Variants in CATSPERG observed in about 807,000 individuals in gnomAD.
CATSPERG encodes cation channel sperm-associated auxiliary subunit gamma.
Under a neutral mutation model 145.0 loss-of-function variants are expected in CATSPERG, and 115 were observed. That is an observed-to-expected ratio of 0.79 (90% CI 0.68 to 0.93). CATSPERG has a LOEUF of 0.93. Among genes scored for constraint, CATSPERG ranks in the 40% least tolerant of loss-of-function variants. CATSPERG has a pLI of 0.00. For synonymous variants in CATSPERG, 588 were observed against 589.0 expected (o/e 1.00, Z 0.02); for missense variants, 1,296 against 1,490.1 (o/e 0.87, Z 2.14).
At chr19:38,337,708 T>TTTTA (rs753927583) in intron 3 of CATSPERG, 62 bp downstream of exon 3, 30 of 1,345,198 alleles carry the variant, frequency 2.2e-5, no homozygotes, top group African/African-American at 4.5e-5. Context: ...CCTCTAACAT[T>TTTTA]TTTATTTATT....
Position 38,346,443 on chromosome 19 carries a change from T to C in CATSPERG, c.670-7T>C, listed in dbSNP as rs1402566161. The C allele has an allele frequency of 1.3e-6, 2 of 1,533,048 alleles. No individual in the cohort carries two copies. Among genetic ancestry groups the C allele is most frequent in the South Asian group, 2.4e-5 (2 of 83,192 alleles). The allele number at this position is 1,533,048 out of a possible 1,614,324, so 95.0% of individuals were successfully genotyped here. Reference sequence around the variant, plus strand: ...GTGTTGGCGTCCCTCCTGTCCCTCCTTGGCAGCTCTTCAACCTGATGCCCC... The same window carrying C: ...GTGTTGGCGTCCCTCCTGTCCCTCCCTGGCAGCTCTTCAACCTGATGCCCC... On this transcript the variant is annotated splice_region_variant and splice_polypyrimidine_tract_variant and intron_variant, in intron 6 of 28. Coordinates refer to ENST00000409235, the MANE Select transcript of CATSPERG (RefSeq NM_021185.5).
rs1158525255 is a variant in CATSPERG at position 38,344,901 on chromosome 19, A to ATTT, written c.669+554_669+556dup. Among the ~76,000 whole-genome samples, 249 of 80,008 alleles carry ATTT rather than the reference A, an allele frequency of 3.1e-3. 14 individuals carry two copies. Among genetic ancestry groups the ATTT allele is most frequent in the East Asian group, 9.2e-3 (18 of 1,958 alleles). The allele number at this position is 80,008 out of a possible 152,430, so 52.5% of individuals were successfully genotyped here. On this transcript the variant is annotated intron_variant, in intron 6 of 28. Transcript: ENST00000409235. The stretch of plus-strand genomic sequence containing the variant: ...CACACACATATATATATATATATAT[A>ATTT]TTTTTTTTTTTTTTTTTTTTTTTGA...
In CATSPERG at chr19:38,367,249, A is replaced by G; in HGVS notation, c.2707A>G (p.Asn903Asp). 1.9e-6 allele frequency: 3 copies of G among 1,613,926 alleles called. No homozygotes were observed. The highest frequency in any genetic ancestry group is 2.5e-6 in the Non-Finnish European group (3 of 1,180,008). ...TYTLEYSRLKNKHYFDCVNVN... is the reference protein window; with the variant it reads ...TYTLEYSRLKDKHYFDCVNVN... ...CACGCTGGAATACAGCCGCCTGAAG[A>G]ACAAACACTACTTTGACTGCGTTAA... The change falls in exon 23 of 29, where the codon AAC (asparagine) becomes GAC (aspartate). Residue 903 changes from asparagine to aspartate, a missense_variant. Coordinates refer to ENST00000409235, the MANE Select transcript of CATSPERG (RefSeq NM_021185.5).
intron 22 of CATSPERG, chr19:38,366,902 C>A (rs1970459358): frequency 2.0e-6 from 1 of 489,602 alleles, no homozygotes; most frequent in African/African-American, 1.9e-5. Flanking sequence ...CTGTGCTGGC[C>A]AGGCTAGTCT....
chr19:38,359,596 C>A lies in CATSPERG; in HGVS notation c.1608+15C>A. On this transcript the variant is annotated intron_variant, in intron 14 of 28. Coordinates refer to ENST00000409235, the MANE Select transcript of CATSPERG (RefSeq NM_021185.5). ...AGACGGAGGAGGTGGGCTGCCCCGC[C>A]CCTCTCCCCGTTCCCTCTCTGCCCA... 6.2e-7 allele frequency: 1 copy of A among 1,606,312 alleles called. No individual in the cohort carries two copies. Among genetic ancestry groups the A allele is most frequent in the South Asian group, 1.1e-5 (1 of 90,360 alleles).
chr19:38,362,686 C>G (rs764246590), intron 19 of CATSPERG, 28 bp from the exon 20 acceptor site: 15 of 1,610,966 alleles, frequency 9.3e-6, no homozygotes, highest in African/African-American at 1.3e-5. Flanking sequence ...GTGAGGGAGG[C>G]CTTAACCCCG....
intron 7 of CATSPERG, among the ~76,000 whole-genome samples, chr19:38,351,827 G>A (rs1167897458): frequency 6.6e-6 from 1 of 151,858 alleles, no homozygotes; most frequent in African/African-American, 2.4e-5. Context: ...TGGGAGGATC[G>A]TTCGAGCCCA....
chr19:38,338,974 G>C (rs1392583967), intron 3 of CATSPERG, among the ~76,000 whole-genome samples: 2 of 152,046 alleles, frequency 1.3e-5, no homozygotes, highest in Admixed American at 6.6e-5. Flanking sequence ...GACGAAGTCC[G>C]GCGGAGTCAA....
chr19:38,353,642 A>G (rs1673499176), intron 8 of CATSPERG, among the ~76,000 whole-genome samples: 1 of 140,040 alleles, frequency 7.1e-6, no homozygotes. Flanking sequence ...GCTTGCAGTG[A>G]GCTGAGATCG....
rs1478744059 is a variant in CATSPERG, at chr19:38,367,762, C to T, written c.2916C>T (p.Asn972=). ...GTGAGGACGAAATCTACCGCTTCAA[C>T]AGCCCCCTGGACAAGTAATCCCCGT... ...DYSEDEIYRF[N]SPLDKTNSLI... is the part of the protein sequence containing the mutation. Residue 972 remains asparagine, a synonymous_variant, in exon 25 of 29, where the codon AAC becomes AAT. Coordinates refer to ENST00000409235, the MANE Select transcript of CATSPERG (RefSeq NM_021185.5). 3 of 1,613,970 alleles carry T rather than the reference C, an allele frequency of 1.9e-6. No homozygotes were observed. The Admixed American group carries it at 5.0e-5, about 27-fold the overall frequency.
Position 38,362,543 on chromosome 19 carries a change from G to C in CATSPERG, c.2325G>C (p.Gln775His). The C allele has an allele frequency of 6.2e-7, 1 of 1,613,902 alleles. No homozygotes were observed. The highest frequency in any genetic ancestry group is 8.5e-7 in the Non-Finnish European group (1 of 1,180,044). ...GCTTCGCCATCTTCCTGTCGGCGCA[G>C]GGCCACTCGTTCCGGACGCAGTCAG... ...EYSFAIFLSA[Q>H]GHSFRTQSEL... The change falls in exon 19 of 29, where the codon CAG (glutamine) becomes CAC (histidine). Residue 775 changes from glutamine (Q) to histidine (H), a missense_variant. By Grantham distance (24) the Gln-to-His change is conservative. Coordinates refer to ENST00000409235, the MANE Select transcript of CATSPERG (RefSeq NM_021185.5).
chr19:38,369,112 A>G (rs1204286416), intron 26 of CATSPERG, among the ~76,000 whole-genome samples: 2 of 152,206 alleles, frequency 1.3e-5, no homozygotes, highest in African/African-American at 2.4e-5. Flanking sequence ...GTATTAATGA[A>G]TGAATAAAAC....
Position 38,367,503 on chromosome 19 carries a change from C to G in CATSPERG, c.2771-6C>G. On this transcript the variant is annotated splice_polypyrimidine_tract_variant and splice_region_variant and intron_variant, in intron 23 of 28. Coordinates refer to ENST00000409235, the MANE Select transcript of CATSPERG (RefSeq NM_021185.5). ...CTTCTGGTCTCAATCCCCTCCAACC[C>G]CATAGTTTTCTACCCCTTCTTCTTG... is the stretch of plus-strand genomic sequence containing the variant. 2 of 1,613,934 alleles carry G rather than the reference C, an allele frequency of 1.2e-6. No homozygotes were observed. Among genetic ancestry groups the G allele is most frequent in the South Asian group, 1.1e-5 (1 of 91,068 alleles).
At chr19:38,349,280 T>A (rs913266334) in intron 7 of CATSPERG, 5 of 152,056 alleles carry the variant, frequency 3.3e-5, no homozygotes, top group African/African-American at 1.2e-4. Context: ...TACAGGCGCA[T>A]ATCACCATGC....
intron 11 of CATSPERG, among the ~76,000 whole-genome samples, chr19:38,357,614 C>T (rs1970268456): frequency 6.6e-6 from 1 of 151,918 alleles, no homozygotes; most frequent in Admixed American, 6.6e-5. Context: ...CTCAGGCGTT[C>T]AAGACCAGCC....
chr19:38,354,884 T>C (rs757900046), intron 9 of CATSPERG, 37 bp downstream of exon 9: 1 of 1,597,546 alleles, frequency 6.3e-7, no homozygotes, highest in Non-Finnish European at 8.5e-7. Context: ...CAGGGACCCC[T>C]CCATACCCTC....
intron 1 of CATSPERG, 40 bp from the exon 2 acceptor site, chr19:38,337,181 A>C: frequency 6.5e-7 from 1 of 1,540,378 alleles, no homozygotes; most frequent in South Asian, 1.2e-5. Flanking sequence ...GGCTCCAGAG[A>C]GCTGTCCGGC....
intron 3 of CATSPERG, among the ~76,000 whole-genome samples, chr19:38,338,627 AAC>A (rs780986922): frequency 1.1e-3 from 168 of 152,194 alleles, no homozygotes; most frequent in East Asian, 3.9e-4. Context: ...GGCTCAAGTG[AAC>A]CTTCTGCATC....
At chr19:38,336,374 G>T in intron 1 of CATSPERG, 1 of 357,134 alleles carries the variant, frequency 2.8e-6, no homozygotes, top group Admixed American at 3.4e-5. Context: ...CGACGGGCCC[G>T]CGCGGGAAGA....
Sources: allele counts gnomAD v4.1 joint callset (sites outside exome capture counted in the v4.1 genomes callset), GRCh38; gene constraint gnomAD v4.1.1; transcripts MANE v1.5; gene names NCBI Gene and HGNC (gene_info 2026-07-23, HGNC 2026-07-21).